The following NRIP1 variants were observed in gnomAD, a reference collection of about 807,000 sequenced individuals.
NRIP1 encodes nuclear receptor interacting protein 1.
Under a neutral mutation model 75.0 loss-of-function variants are expected in NRIP1, and 28 were observed. The observed-to-expected ratio is 0.37, with a 90% confidence interval of 0.28 to 0.51. The LOEUF is 0.51. Among genes scored for constraint, NRIP1 ranks in the 20% least tolerant of loss-of-function variants. The pLI is 0.92. For missense variants in NRIP1, 1,435 were observed against 1,343.7 expected, an observed-to-expected ratio of 1.07 and a Z score of -1.06; for synonymous variants, 526 against 487.6, an observed-to-expected ratio of 1.08 and a Z score of -1.04.
intron 2 of NRIP1, among the ~76,000 whole-genome samples, chr21:15,040,740 T>C (rs2823016): frequency 0.14 from 20,852 of 152,086 alleles, 2,582 homozygotes; most frequent in African/African-American, 0.32. Context: ...AACCCAGGTT[T>C]TGTGAGCCAA....
At chr21:15,050,725 C>T in intron 1 of NRIP1, 1 of 456,026 alleles carries the variant, frequency 2.2e-6, no homozygotes, top group South Asian at 1.5e-5. Flanking sequence ...GGTTTTGACT[C>T]CTTTCTGGCT....
At chr21:15,000,425 TA>T (rs1364853761) in intron 3 of NRIP1, among the ~76,000 whole-genome samples, 9 of 152,232 alleles carry the variant, frequency 5.9e-5, no homozygotes, top group African/African-American at 1.9e-4. Context: ...AAACAAAATA[TA>T]GTCCTTTCCT....
At chr21:14,969,656 G>A (rs1025982811) in intron 3 of NRIP1, among the ~76,000 whole-genome samples, 1 of 152,134 alleles carries the variant, frequency 6.6e-6, no homozygotes, top group African/African-American at 2.4e-5. Context: ...CAGACCTGAA[G>A]CTATCAACAA....
intron 2 of NRIP1, among the ~76,000 whole-genome samples, chr21:15,024,415 A>G (rs559098238): frequency 9.9e-5 from 15 of 152,102 alleles, no homozygotes; most frequent in South Asian, 4.1e-4. Flanking sequence ...GGTGGCAGTC[A>G]CCTGTAATCC....
At chr21:14,979,426 A>T (rs774504148) in intron 3 of NRIP1, among the ~76,000 whole-genome samples, 60 of 152,282 alleles carry the variant, frequency 3.9e-4, no homozygotes, top group Non-Finnish European at 5.0e-4. Context: ...GATTTGACAT[A>T]CAGACACAAG....
chr21:15,011,479 A>G (rs1430849582), intron 3 of NRIP1, among the ~76,000 whole-genome samples: 1 of 152,268 alleles, frequency 6.6e-6, no homozygotes, highest in East Asian at 1.9e-4. Context: ...GTGAGCCACC[A>G]CGCCCAGAGT....
intron 2 of NRIP1, among the ~76,000 whole-genome samples, chr21:15,018,870 G>C (rs1293988309): frequency 6.6e-6 from 1 of 152,090 alleles, no homozygotes; most frequent in Non-Finnish European, 1.5e-5. Flanking sequence ...GTGTTGAAAA[G>C]AAGTGGTGAG....
chr21:14,965,863 T>C lies in NRIP1; in HGVS notation c.2330A>G (p.Lys777Arg). 4 of 1,614,108 alleles carry C rather than the reference T, an allele frequency of 2.5e-6. No homozygotes were observed. The highest frequency in any genetic ancestry group is 3.4e-6 in the Non-Finnish European group (4 of 1,179,984). The change falls in exon 4 of 4, where the codon AAG becomes AGG. Residue 777 changes from lysine (K) to arginine (R), a missense_variant. By Grantham distance (26) the Lys-to-Arg change is conservative (BLOSUM62 2). Transcript: ENST00000318948. ...NTNVHLSHDA[K>R]SAPFLGMAPA... The stretch of plus-strand genomic sequence containing the variant: ...AGCCATACCCAAGAATGGGGCACTC[T>C]TAGCATCATGGCTCAAGTGCACATT...
chr21:15,037,510 C>T (rs770456911), intron 2 of NRIP1, among the ~76,000 whole-genome samples: 2 of 152,042 alleles, frequency 1.3e-5, no homozygotes, highest in Non-Finnish European at 2.9e-5. Flanking sequence ...TTTGCTGCAG[C>T]GATGAATGAA....
At chr21:15,050,099 T>A (rs1434407455) in intron 1 of NRIP1, 1 of 152,556 alleles carries the variant, frequency 6.6e-6, no homozygotes, top group Non-Finnish European at 1.5e-5. Context: ...CATATAACTT[T>A]CAGTGACCAC....
Position 14,963,100 on chromosome 21 carries a change from C to G in NRIP1, c.*1616G>C, listed in dbSNP as rs1431533706. ...TATCAACATGTACTTTTCATCACTACTTTAAAGTAAAAGATCCAATGGAGT... is the reference window on the plus strand; with the variant it reads ...TATCAACATGTACTTTTCATCACTAGTTTAAAGTAAAAGATCCAATGGAGT... On this transcript the variant is annotated 3_prime_UTR_variant, in exon 4 of 4. Transcript: ENST00000318948. 1 of 152,182 alleles carries G rather than the reference C, an allele frequency of 6.6e-6. No individual in the cohort carries two copies. The highest frequency in any genetic ancestry group is 1.5e-5 in the Non-Finnish European group (1 of 67,942). 9.4% of individuals were successfully genotyped at this position (152,182 alleles called of 1,614,324 possible). A position where few individuals can be genotyped will look rare whatever the true frequency, so the allele number is the denominator to read the frequency against.
At chr21:14,985,795 C>T (rs1450710631) in intron 3 of NRIP1, among the ~76,000 whole-genome samples, 2 of 152,064 alleles carry the variant, frequency 1.3e-5, no homozygotes, top group Admixed American at 1.3e-4. Flanking sequence ...AGCTTTTCAT[C>T]ATTTTTCCTT....
At chr21:15,007,800 C>T (rs1050856023) in intron 3 of NRIP1, among the ~76,000 whole-genome samples, 9 of 152,200 alleles carry the variant, frequency 5.9e-5, no homozygotes, top group Admixed American at 2.0e-4. Flanking sequence ...GTCCCGACTA[C>T]GTTTAGGACA....
At chr21:15,057,459 C>T (rs2147403783) in intron 1 of NRIP1, among the ~76,000 whole-genome samples, 1 of 152,340 alleles carries the variant, frequency 6.6e-6, no homozygotes. Context: ...CTACATTTCC[C>T]TCCAGCGCAA....
intron 2 of NRIP1, among the ~76,000 whole-genome samples, chr21:15,036,170 GA>G (rs535030161): frequency 6.6e-6 from 1 of 152,030 alleles, no homozygotes; most frequent in African/African-American, 2.4e-5. Flanking sequence ...ACCTACACTG[GA>G]AAAAAATGCT....
At chr21:15,009,213 T>C (rs1341099368) in intron 3 of NRIP1, among the ~76,000 whole-genome samples, 1 of 152,184 alleles carries the variant, frequency 6.6e-6, no homozygotes, top group Non-Finnish European at 1.5e-5. Context: ...AGAAAGAACT[T>C]TCTAAAAAGA....
chr21:15,054,299 C>T (rs1291765501), intron 1 of NRIP1, among the ~76,000 whole-genome samples: 2 of 152,112 alleles, frequency 1.3e-5, no homozygotes, highest in Admixed American at 6.6e-5. Flanking sequence ...GCCCAGCTGG[C>T]GGGTCCCTTT....
intron 1 of NRIP1, among the ~76,000 whole-genome samples, chr21:15,053,607 T>C (rs941431078): frequency 2.0e-5 from 3 of 152,240 alleles, no homozygotes; most frequent in Admixed American, 2.0e-4. Flanking sequence ...TAATGAACAA[T>C]GAGGGAAAAA....
intron 1 of NRIP1, among the ~76,000 whole-genome samples, chr21:15,054,888 G>A (rs1396500798): frequency 2.0e-5 from 3 of 152,218 alleles, no homozygotes; most frequent in Non-Finnish European, 2.9e-5. Context: ...ACAAAACTGT[G>A]AAAGAAAATC....
Sources: allele counts gnomAD v4.1 joint callset (sites outside exome capture counted in the v4.1 genomes callset), GRCh38; gene constraint gnomAD v4.1.1; transcripts MANE v1.5; gene names NCBI Gene and HGNC (gene_info 2026-07-23, HGNC 2026-07-21).